Variants in SLC22A25 observed in about 807,000 individuals in gnomAD.
SLC22A25 encodes solute carrier family 22 member 25, also known as MGI:2442751, MGI:2385316, MGI:3042283, MGI:3645714, MGI:3605624, MGI:2442750.
In SLC22A25, 44 loss-of-function variants were observed where a neutral mutation model predicts 45.9. The ratio of observed to expected loss-of-function variants is 0.96; its 90% CI spans 0.75 to 1.23. SLC22A25 has a LOEUF of 1.23. SLC22A25 is among the 50% of genes most tolerant of loss of function. The pLI is 0.00. For missense variants in SLC22A25, 800 were observed against 666.4 expected (o/e 1.20, Z -2.21); for synonymous variants, 283 against 238.6 (o/e 1.19, Z -1.72).
In SLC22A25 at chr11:63,237,880, C is replaced by T. The variant is rs532294379; in HGVS notation, c.-445+1G>A. On this transcript the variant is annotated splice_donor_variant, in intron 3 of 11. Transcript: ENST00000306494. LOFTEE classifies it low-confidence loss of function (5UTR_SPLICE). ...TTTAATCAGTGGATGGAAATACTCA[C>T]TAGTATAGTGATCTTTGAACAGAGA... The T allele has an allele frequency of 6.6e-6, 1 of 152,298 alleles. No individual in the cohort carries two copies. Among genetic ancestry groups the T allele is most frequent in the South Asian group, 2.1e-4 (1 of 4,824 alleles). 9.4% of individuals were successfully genotyped at this position (152,298 alleles called of 1,614,324 possible).
chr11:63,168,887 GA>G (rs1203765083), intron 9 of SLC22A25, among the ~76,000 whole-genome samples: 3 of 152,016 alleles, frequency 2.0e-5, no homozygotes, highest in Admixed American at 2.0e-4. Flanking sequence ...AGATTGAAAT[GA>G]AGGAAAAAAA....
chr11:63,185,671 C>T (rs2088508729), intron 7 of SLC22A25, among the ~76,000 whole-genome samples: 1 of 145,796 alleles, frequency 6.9e-6, no homozygotes, highest in Non-Finnish European at 1.5e-5. Flanking sequence ...TTAGGTATAT[C>T]TCCCAATGCT....
chr11:63,225,690 C>A (rs1044028469), intron 5 of SLC22A25, among the ~76,000 whole-genome samples: 7 of 152,116 alleles, frequency 4.6e-5, no homozygotes, highest in Non-Finnish European at 8.8e-5. Flanking sequence ...TTGTGAAGTT[C>A]TCTCTTAATA....
At chr11:63,189,233 A>G (rs774461267) in intron 7 of SLC22A25, among the ~76,000 whole-genome samples, 10 of 152,124 alleles carry the variant, frequency 6.6e-5, no homozygotes, top group Non-Finnish European at 1.2e-4. Context: ...GTACTCCTGT[A>G]TTGGGCACAT....
At chr11:63,215,374 T>G (rs541642156) in intron 7 of SLC22A25, among the ~76,000 whole-genome samples, 43 of 151,420 alleles carry the variant, frequency 2.8e-4, no homozygotes, top group Non-Finnish European at 5.3e-4. Flanking sequence ...TAAGTGGGAG[T>G]TGAACAATGA....
At chr11:63,197,715 T>C (rs1173830374) in intron 7 of SLC22A25, among the ~76,000 whole-genome samples, 2 of 152,196 alleles carry the variant, frequency 1.3e-5, no homozygotes, top group Non-Finnish European at 2.9e-5. Flanking sequence ...AAAGCCATAA[T>C]TGACAAATGG....
chr11:63,185,209 C>T (rs2088481313), intron 7 of SLC22A25, among the ~76,000 whole-genome samples: 3 of 151,968 alleles, frequency 2.0e-5, no homozygotes, highest in South Asian at 4.1e-4. Flanking sequence ...CATATGTATA[C>T]ATGTGCCATG....
chr11:63,241,258 A>G (rs1019292192), intron 1 of SLC22A25, among the ~76,000 whole-genome samples: 5 of 152,208 alleles, frequency 3.3e-5, no homozygotes, highest in Admixed American at 6.5e-5. Flanking sequence ...TGAACCTGGA[A>G]TGGCCCTTCA....
At chr11:63,228,707 G>GTCTCA (rs2134838998) in intron 4 of SLC22A25, 143 bp from the exon 5 acceptor site, 1 of 614,800 alleles carries the variant, frequency 1.6e-6, no homozygotes, top group South Asian at 2.2e-5. Flanking sequence ...CACTGTTCAG[G>GTCTCA]TCTCAACTTA....
intron 9 of SLC22A25, among the ~76,000 whole-genome samples, chr11:63,176,533 A>G (rs890515240): frequency 6.6e-6 from 1 of 151,936 alleles, no homozygotes; most frequent in African/African-American, 2.4e-5. Flanking sequence ...ATAAAAACAC[A>G]ACTGATTTTT....
intron 5 of SLC22A25, among the ~76,000 whole-genome samples, chr11:63,224,208 G>A (rs1034349521): frequency 1.3e-5 from 2 of 151,540 alleles, no homozygotes; most frequent in Non-Finnish European, 2.9e-5. Flanking sequence ...CTCTTTTTAC[G>A]TTTTTTTGTC....
chr11:63,211,117 G>T (rs2089546413), intron 7 of SLC22A25, among the ~76,000 whole-genome samples: 1 of 152,096 alleles, frequency 6.6e-6, no homozygotes, highest in African/African-American at 2.4e-5. Flanking sequence ...ATAGGCTGAG[G>T]AAAACCCCCC....
chr11:63,164,890 T>C (rs1050594680), intron 10 of SLC22A25, among the ~76,000 whole-genome samples: 4 of 152,156 alleles, frequency 2.6e-5, no homozygotes, highest in Admixed American at 2.6e-4. Context: ...GGGTATGCCA[T>C]AGCAGAAAAG....
At chr11:63,206,072 A>T (rs1033510150) in intron 7 of SLC22A25, among the ~76,000 whole-genome samples, 2 of 152,232 alleles carry the variant, frequency 1.3e-5, no homozygotes, top group African/African-American at 4.8e-5. Flanking sequence ...AAGGCCTTCA[A>T]TAAAATTGAA....
intron 7 of SLC22A25, among the ~76,000 whole-genome samples, chr11:63,195,506 C>T (rs894786021): frequency 1.9e-4 from 29 of 151,992 alleles, no homozygotes; most frequent in East Asian, 1.4e-3. Flanking sequence ...GAATGACTAC[C>T]GAGTACATAA....
chr11:63,219,350 T>C (rs2089796762), intron 5 of SLC22A25, among the ~76,000 whole-genome samples: 1 of 152,216 alleles, frequency 6.6e-6, no homozygotes, highest in Non-Finnish European at 1.5e-5. Context: ...GAATCACCTT[T>C]CTGACTCCCA....
chr11:63,191,469 G>T (rs141251502), intron 7 of SLC22A25, among the ~76,000 whole-genome samples: 3,309 of 152,260 alleles, frequency 0.022, 122 homozygotes, highest in African/African-American at 0.075. Context: ...TTAGGAAAGG[G>T]AATTCCCTGA....
In SLC22A25 at chr11:63,237,941, C is replaced by T. The variant is rs2090190864; in HGVS notation, c.-505G>A. 6.6e-6 allele frequency: 1 copy of T among 152,212 alleles called. No individual in the cohort carries two copies. The allele number at this position is 152,212 out of a possible 1,614,324, so 9.4% of individuals were successfully genotyped here. ...TCTGATAAATGGCCATATTGGATGC[C>T]TTTCACCACCACTCCATGAATAAGA... On this transcript the variant is annotated 5_prime_UTR_variant, in exon 3 of 12. Coordinates refer to ENST00000306494, the MANE Select transcript of SLC22A25 (RefSeq NM_199352.6).
intron 3 of SLC22A25, among the ~76,000 whole-genome samples, chr11:63,233,314 C>A (rs1238692119): frequency 1.3e-5 from 2 of 152,154 alleles, no homozygotes; most frequent in African/African-American, 4.8e-5. Context: ...ATTTCAGAGC[C>A]TGTTATTCAG....
Sources: gnomAD v4.1 joint callset for allele counts (sites outside exome capture counted in the v4.1 genomes callset) on GRCh38, gnomAD v4.1.1 for gene constraint, MANE v1.5 for transcripts, NCBI Gene and HGNC (gene_info 2026-07-23, HGNC 2026-07-21) for gene names.